The following RBFOX1 variants were observed in gnomAD, a reference collection of about 807,000 sequenced individuals.
The protein encoded by RBFOX1 is RNA binding fox-1 homolog 1, also known as RNA binding protein fox-1 homolog 1.
RBFOX1 carries 8 observed loss-of-function variants against 57.7 expected under a neutral mutation model. The ratio of observed to expected loss-of-function variants is 0.14; its 90% CI spans 0.08 to 0.25. RBFOX1 has a LOEUF of 0.25. Ranked by LOEUF, RBFOX1 falls within the 10% of genes least tolerant of loss-of-function variation. RBFOX1 has a pLI of 1.00. For synonymous variants in RBFOX1, 326 were observed against 222.4 expected (o/e 1.47, Z -4.15); for missense variants, 611 against 548.5 (o/e 1.11, Z -1.14).
At chr16:7,066,843 C>T (rs1433155901) in intron 4 of RBFOX1, among the ~76,000 whole-genome samples, 1 of 152,172 alleles carries the variant, frequency 6.6e-6, no homozygotes, top group African/African-American at 2.4e-5. Context: ...TCTTCCCAGC[C>T]AGTGAGTGGC....
At chr16:6,704,946 A>C (rs1186791764) in intron 3 of RBFOX1, 2 of 152,154 alleles carry the variant, frequency 1.3e-5, no homozygotes, top group Non-Finnish European at 2.9e-5. Context: ...CACTTATCCA[A>C]GTCGTGCCAG....
intron 2 of RBFOX1, among the ~76,000 whole-genome samples, chr16:6,531,663 A>T (rs550646935): frequency 2.0e-5 from 3 of 152,304 alleles, no homozygotes; most frequent in African/African-American, 7.2e-5. Context: ...GTTGTCTAGT[A>T]GCCCTTGTCC....
At chr16:5,844,883 A>G (rs919027139) in intron 3 of RBFOX1, among the ~76,000 whole-genome samples, 2 of 152,124 alleles carry the variant, frequency 1.3e-5, no homozygotes, top group Non-Finnish European at 2.9e-5. Context: ...CCAAAAAGAA[A>G]CAGCTCTGTT....
intron 4 of RBFOX1, among the ~76,000 whole-genome samples, chr16:7,287,023 T>G (rs1034745142): frequency 2.0e-5 from 3 of 152,154 alleles, no homozygotes; most frequent in South Asian, 2.1e-4. Flanking sequence ...AGGCAATGCG[T>G]GATAGAAGCT....
At chr16:6,561,438 C>G (rs1355519361) in intron 2 of RBFOX1, among the ~76,000 whole-genome samples, 1 of 152,148 alleles carries the variant, frequency 6.6e-6, no homozygotes, top group African/African-American at 2.4e-5. Context: ...TATGTATTTA[C>G]CCAATAGGCT....
chr16:6,128,832 T>G (rs531167422), intron 1 of RBFOX1, among the ~76,000 whole-genome samples: 1 of 152,170 alleles, frequency 6.6e-6, no homozygotes, highest in Admixed American at 6.5e-5. Context: ...CAACCCAGAG[T>G]TGGGAGACCT....
intron 1 of RBFOX1, among the ~76,000 whole-genome samples, chr16:6,307,883 A>G (rs1459368755): frequency 7.2e-6 from 1 of 139,468 alleles, no homozygotes; most frequent in African/African-American, 2.7e-5. Context: ...AATTTATATT[A>G]TTTATATATT....
intron 3 of RBFOX1, among the ~76,000 whole-genome samples, chr16:5,712,710 T>A (rs1443090043): frequency 6.6e-6 from 1 of 151,948 alleles, no homozygotes; most frequent in Non-Finnish European, 1.5e-5. Context: ...TTTAACAGAG[T>A]CCAGATTTTA....
chr16:6,273,330 G>C (rs998012940), intron 1 of RBFOX1, among the ~76,000 whole-genome samples: 7 of 133,624 alleles, frequency 5.2e-5, no homozygotes, highest in Non-Finnish European at 1.1e-4. Flanking sequence ...CAAAGAGTTT[G>C]TTGTTGTTGG....
intron 3 of RBFOX1, among the ~76,000 whole-genome samples, chr16:5,856,195 A>ATATATATATATATATACATATATATG (rs2057035426): frequency 1.7e-5 from 1 of 60,242 alleles, no homozygotes; most frequent in African/African-American, 5.6e-5. Flanking sequence ...CTCTATATAT[A>ATATATATATATATATACATATATATG]TATATATATA....
chr16:7,255,513 G>A, intron 4 of RBFOX1, among the ~76,000 whole-genome samples: 1 of 152,112 alleles, frequency 6.6e-6, no homozygotes, highest in East Asian at 1.9e-4. Context: ...AAGATGTCCA[G>A]CTTATATTTA....
chr16:6,071,183 G>A (rs571163073), intron 1 of RBFOX1, among the ~76,000 whole-genome samples: 8 of 152,164 alleles, frequency 5.3e-5, no homozygotes, highest in Non-Finnish European at 8.8e-5. Flanking sequence ...TTAGCGGGAC[G>A]TGTGGCACAT....
chr16:6,773,180 G>T (rs201555285), intron 3 of RBFOX1, among the ~76,000 whole-genome samples: 28 of 107,432 alleles, frequency 2.6e-4, no homozygotes, highest in African/African-American at 3.2e-4. Flanking sequence ...TTGTGTGTGT[G>T]TGTGTGGGCA....
At chr16:6,179,645 C>CCTG (rs1230962019) in intron 1 of RBFOX1, among the ~76,000 whole-genome samples, 1 of 152,194 alleles carries the variant, frequency 6.6e-6, no homozygotes, top group Non-Finnish European at 1.5e-5. Flanking sequence ...CCCAACAGCA[C>CCTG]CTGCTGCTGC....
intron 3 of RBFOX1, among the ~76,000 whole-genome samples, chr16:6,908,381 T>C (rs957530931): frequency 2.6e-5 from 4 of 152,090 alleles, no homozygotes; most frequent in Admixed American, 1.3e-4. Context: ...TGTGTGTCTG[T>C]CTGCCTGCCT....
At chr16:6,459,554 A>G (rs1419548941) in intron 2 of RBFOX1, among the ~76,000 whole-genome samples, 1 of 152,052 alleles carries the variant, frequency 6.6e-6, no homozygotes, top group African/African-American at 2.4e-5. Context: ...CATCTCAAAG[A>G]TTTTCTTTTA....
intron 2 of RBFOX1, among the ~76,000 whole-genome samples, chr16:6,536,825 C>G (rs2096741924): frequency 6.6e-6 from 1 of 152,080 alleles, no homozygotes; most frequent in South Asian, 2.1e-4. Context: ...GTGGTGCATT[C>G]CTGTGGCTTA....
intron 14 of RBFOX1, among the ~76,000 whole-genome samples, chr16:7,704,265 C>A (rs1450375041): frequency 6.6e-6 from 1 of 152,146 alleles, no homozygotes; most frequent in Non-Finnish European, 1.5e-5. Flanking sequence ...GGTTGCAAGC[C>A]ATGGTGAATT....
At chr16:5,728,867 A>G (rs955521089) in intron 3 of RBFOX1, among the ~76,000 whole-genome samples, 4 of 152,190 alleles carry the variant, frequency 2.6e-5, no homozygotes, top group African/African-American at 9.6e-5. Context: ...CATCCAGGCC[A>G]AAAGTCTGTA....
Sources: gnomAD v4.1 joint callset for allele counts (sites outside exome capture counted in the v4.1 genomes callset) on GRCh38, gnomAD v4.1.1 for gene constraint, MANE v1.5 for transcripts, NCBI Gene and HGNC (gene_info 2026-07-23, HGNC 2026-07-21) for gene names.